SLIT3: variants seen among roughly 807,000 people sequenced by gnomAD.
The protein encoded by SLIT3 is slit homolog 3 protein.
In SLIT3, 68 loss-of-function variants were observed where a neutral mutation model predicts 184.0. The observed-to-expected ratio is 0.37, with a 90% CI of 0.30 to 0.45. SLIT3 has a LOEUF of 0.45. Ranked by LOEUF, SLIT3 falls within the 20% of genes least tolerant of loss-of-function variation. The pLI, the probability that SLIT3 is intolerant of heterozygous loss-of-function variation, is 1.00. For synonymous variants in SLIT3, 831 were observed against 828.6 expected (o/e 1.00, Z -0.05); for missense variants, 1,707 against 2,026.0 (o/e 0.84, Z 3.02).
At chr5:168,940,949 T>G (rs1434917769) in intron 4 of SLIT3, among the ~76,000 whole-genome samples, 1 of 152,116 alleles carries the variant, frequency 6.6e-6, no homozygotes, top group African/African-American at 2.4e-5. Flanking sequence ...CTGTTGTCAT[T>G]CCTGAGTTAT....
intron 3 of SLIT3, among the ~76,000 whole-genome samples, chr5:169,242,196 T>A (rs376798301): frequency 7.3e-4 from 111 of 152,338 alleles, no homozygotes; most frequent in African/African-American, 2.4e-3. Flanking sequence ...AGGATTAATG[T>A]CACACACATC....
chr5:169,002,212 A>C (rs1345242596), intron 4 of SLIT3, among the ~76,000 whole-genome samples: 10 of 150,606 alleles, frequency 6.6e-5, no homozygotes, highest in African/African-American at 2.2e-4. Context: ...ACTTCCGGCT[A>C]CTAGGGAGGC....
At chr5:168,885,975 G>A (rs550660201) in intron 4 of SLIT3, among the ~76,000 whole-genome samples, 2 of 152,288 alleles carry the variant, frequency 1.3e-5, no homozygotes, top group East Asian at 1.9e-4. Flanking sequence ...GTGGGGCAGC[G>A]CTTTGGTTTC....
At chr5:169,003,657 C>T (rs1266485792) in intron 4 of SLIT3, among the ~76,000 whole-genome samples, 1 of 152,206 alleles carries the variant, frequency 6.6e-6, no homozygotes, top group Non-Finnish European at 1.5e-5. Flanking sequence ...CACCCATGGC[C>T]TGCAATTGCC....
At chr5:168,979,770 G>A (rs1049708318) in intron 4 of SLIT3, among the ~76,000 whole-genome samples, 3 of 152,198 alleles carry the variant, frequency 2.0e-5, no homozygotes, top group Non-Finnish European at 4.4e-5. Context: ...AAAAGTCAGG[G>A]CAGTCTCCAG....
At chr5:169,238,465 C>T (rs561083761) in intron 3 of SLIT3, among the ~76,000 whole-genome samples, 90 of 148,780 alleles carry the variant, frequency 6.0e-4, no homozygotes, top group Middle Eastern at 3.5e-3. Context: ...ATATGGGCTT[C>T]AATCAGAATC....
At chr5:168,670,656 T>A (rs1342440333) in intron 34 of SLIT3, among the ~76,000 whole-genome samples, 1 of 152,170 alleles carries the variant, frequency 6.6e-6, no homozygotes, top group East Asian at 1.9e-4. Flanking sequence ...AAAAAATCAT[T>A]TCCTGACTGG....
At chr5:169,090,618 GA>G (rs1759542560) in intron 4 of SLIT3, among the ~76,000 whole-genome samples, 3 of 152,186 alleles carry the variant, frequency 2.0e-5, no homozygotes, top group Admixed American at 1.3e-4. Flanking sequence ...TACCTTATAT[GA>G]CAAAAGATGT....
At chr5:168,860,392 T>C (rs564773814) in intron 5 of SLIT3, among the ~76,000 whole-genome samples, 8 of 152,302 alleles carry the variant, frequency 5.3e-5, no homozygotes, top group African/African-American at 1.9e-4. Flanking sequence ...GACTCTTTCA[T>C]TCCATCTGGG....
chr5:169,231,954 T>C (rs1289660976), intron 3 of SLIT3, among the ~76,000 whole-genome samples: 4 of 152,216 alleles, frequency 2.6e-5, no homozygotes, highest in Non-Finnish European at 5.9e-5. Flanking sequence ...GCCACTTCTC[T>C]ATCTTCTTTT....
At chr5:169,195,814 C>T (rs1367982223) in intron 3 of SLIT3, among the ~76,000 whole-genome samples, 1 of 152,146 alleles carries the variant, frequency 6.6e-6, no homozygotes, top group Non-Finnish European at 1.5e-5. Context: ...GAGTGAGTCA[C>T]CGTGCCCGGC....
At chr5:168,975,691 G>C (rs763249995) in intron 4 of SLIT3, among the ~76,000 whole-genome samples, 1 of 152,158 alleles carries the variant, frequency 6.6e-6, no homozygotes, top group Non-Finnish European at 1.5e-5. Flanking sequence ...GTAGGATTCT[G>C]TTTCTTACAT....
At chr5:168,954,681 C>T (rs140116792) in intron 4 of SLIT3, among the ~76,000 whole-genome samples, 1,687 of 152,306 alleles carry the variant, frequency 0.011, 12 homozygotes, top group Middle Eastern at 0.037. Context: ...AGCCTAAGAC[C>T]CTAGCACTGA....
chr5:169,040,170 A>G lies in SLIT3; in HGVS notation c.413+153309T>C, dbSNP rs567741901. ...TTTCATTCAACTTTTGGGACAGAGT[A>G]TATCAAGGCATGTGCAATCACAGCC... On this transcript the variant is annotated intron_variant, in intron 4 of 35. Transcript: ENST00000519560. Among the ~76,000 whole-genome samples, 3 of 152,344 alleles carry G rather than the reference A, an allele frequency of 2.0e-5. No homozygotes were observed. In the South Asian group the frequency reaches 6.2e-4, roughly 32 times the overall value.
intron 4 of SLIT3, among the ~76,000 whole-genome samples, chr5:169,167,319 G>A (rs1309107027): frequency 7.9e-6 from 1 of 126,358 alleles, no homozygotes; most frequent in Non-Finnish European, 1.6e-5. Context: ...CTGTCACCCA[G>A]GCTGGAGTGC....
intron 4 of SLIT3, among the ~76,000 whole-genome samples, chr5:169,180,089 A>C (rs989452401): frequency 1.2e-4 from 18 of 152,216 alleles, no homozygotes; most frequent in African/African-American, 4.1e-4. Flanking sequence ...CCAATGAGGA[A>C]GGGGACCATG....
In SLIT3 at chr5:168,673,201, T is replaced by G. The variant is rs745689251; in HGVS notation, c.3817A>C (p.Ile1273Leu). The change falls in exon 33 of 36, where the codon ATC (isoleucine) becomes CTC (leucine). Residue 1273 changes from isoleucine (I) to leucine (L), a missense_variant. Coordinates refer to ENST00000519560, the MANE Select transcript of SLIT3 (RefSeq NM_003062.4). ...GKLQKQPAVG[I>L]NSPLYLGGIP... ...CCTCCAAGGTAGAGGGGGCTGTTGA[T>G]GCCCACTGCTGGCTGCTTCTGGAGC... 2 of 1,613,836 alleles carry G rather than the reference T, an allele frequency of 1.2e-6. No homozygotes were observed. Among genetic ancestry groups the G allele is most frequent in the Non-Finnish European group, 1.7e-6 (2 of 1,179,912 alleles).
intron 1 of SLIT3, among the ~76,000 whole-genome samples, chr5:169,252,180 C>T (rs769114446): frequency 6.6e-5 from 10 of 152,202 alleles, no homozygotes; most frequent in Non-Finnish European, 1.5e-4. Flanking sequence ...TTTCCAGCTA[C>T]TTTGCAAACT....
intron 4 of SLIT3, among the ~76,000 whole-genome samples, chr5:169,078,738 T>C (rs1170720413): frequency 6.6e-6 from 1 of 152,210 alleles, no homozygotes. Flanking sequence ...CTACTCAGTG[T>C]GGTAGGTGAT....
Sources: allele counts gnomAD v4.1 joint callset (sites outside exome capture counted in the v4.1 genomes callset), GRCh38; gene constraint gnomAD v4.1.1; transcripts MANE v1.5; gene names NCBI Gene and HGNC (gene_info 2026-07-23, HGNC 2026-07-21).